The following RANBP2 variants were observed in gnomAD, a reference collection of about 807,000 sequenced individuals.
RANBP2 encodes RAN binding protein 2, also known as E3 SUMO-protein ligase RanBP2.
In RANBP2, 57 loss-of-function variants were observed where a neutral mutation model predicts 303.6. The ratio of observed to expected loss-of-function variants is 0.19; its 90% confidence interval spans 0.15 to 0.23. RANBP2 has a LOEUF of 0.23. Ranked by LOEUF, RANBP2 falls within the 10% of genes least tolerant of loss-of-function variation. The pLI is 1.00. For synonymous variants in RANBP2, 1,167 were observed against 1,301.5 expected (o/e 0.90, Z 2.23); for missense variants, 3,138 against 3,780.8 (o/e 0.83, Z 4.46).
At chr2:108,888,452 C>T in the RANBP2 span, among the ~76,000 whole-genome samples, 1 of 151,920 alleles carries the variant, frequency 6.6e-6, no homozygotes, top group Admixed American at 6.6e-5. Context: ...GGTGTTATTT[C>T]TTTGTATGTT....
At chr2:109,698,798 G>A in the RANBP2 span, among the ~76,000 whole-genome samples, 75 of 152,018 alleles carry the variant, frequency 4.9e-4, no homozygotes, top group Non-Finnish European at 7.8e-4. Flanking sequence ...GTGGTGGCAC[G>A]CACTTGTAGT....
chr2:109,715,822 G>A, the RANBP2 span, among the ~76,000 whole-genome samples: 17 of 152,156 alleles, frequency 1.1e-4, no homozygotes, highest in African/African-American at 3.6e-4. Context: ...AGCCATTTGA[G>A]CTATGTGCCA....
the RANBP2 span, among the ~76,000 whole-genome samples, chr2:109,638,804 C>A: frequency 8.7e-4 from 133 of 152,216 alleles, no homozygotes; most frequent in Non-Finnish European, 5.0e-4. Context: ...AAAGAAACAA[C>A]CCCACAGTTC....
At chr2:109,417,506 A>T in the RANBP2 span, among the ~76,000 whole-genome samples, 1 of 152,128 alleles carries the variant, frequency 6.6e-6, no homozygotes, top group East Asian at 1.9e-4. Context: ...CTGCTTCCGC[A>T]TGTGGCATGA....
the RANBP2 span, among the ~76,000 whole-genome samples, chr2:109,113,513 A>G: frequency 1.3e-5 from 2 of 152,238 alleles, no homozygotes; most frequent in Non-Finnish European, 2.9e-5. Flanking sequence ...GAAGTTGCTT[A>G]TCAGCTTAAG....
the RANBP2 span, among the ~76,000 whole-genome samples, chr2:109,596,164 T>C: frequency 3.3e-5 from 5 of 152,170 alleles, no homozygotes. Context: ...CCGAAACAGC[T>C]GGGCCTACAG....
the RANBP2 span, among the ~76,000 whole-genome samples, chr2:109,670,921 C>T: frequency 3.9e-5 from 6 of 152,326 alleles, no homozygotes; most frequent in South Asian, 2.1e-4. Context: ...CCAGTGGTTC[C>T]TGTGGCTTGG....
chr2:109,141,338 C>T, the RANBP2 span, among the ~76,000 whole-genome samples: 1 of 152,168 alleles, frequency 6.6e-6, no homozygotes, highest in African/African-American at 2.4e-5. Context: ...GGCAGCCTCT[C>T]GTCTCTGCCT....
chr2:108,995,799 G>T, the RANBP2 span, among the ~76,000 whole-genome samples: 1 of 152,158 alleles, frequency 6.6e-6, no homozygotes, highest in Non-Finnish European at 1.5e-5. Context: ...CTGCCACCTG[G>T]AGTGTGAACA....
At chr2:108,875,940 A>G in the RANBP2 span, 1 of 573,178 alleles carries the variant, frequency 1.7e-6, no homozygotes. Context: ...TTGTTTCAGC[A>G]TTCTAATCTT....
chr2:109,247,862 T>C, the RANBP2 span, among the ~76,000 whole-genome samples: 1 of 152,226 alleles, frequency 6.6e-6, no homozygotes, highest in Non-Finnish European at 1.5e-5. Flanking sequence ...TGGTCTCTTA[T>C]ATCCCCCAAA....
At chr2:108,837,651 A>G in the RANBP2 span, among the ~76,000 whole-genome samples, 2 of 152,224 alleles carry the variant, frequency 1.3e-5, no homozygotes, top group African/African-American at 4.8e-5. Context: ...GCTGCCAGTT[A>G]CATAAAAGAA....
the RANBP2 span, among the ~76,000 whole-genome samples, chr2:108,843,490 G>A: frequency 5.4e-4 from 83 of 152,296 alleles, 1 homozygote; most frequent in Middle Eastern, 3.4e-3. Flanking sequence ...CAAACTCTTA[G>A]TTTTTCTTAA....
chr2:109,018,321 A>T, the RANBP2 span, among the ~76,000 whole-genome samples: 1 of 152,202 alleles, frequency 6.6e-6, no homozygotes, highest in Non-Finnish European at 1.5e-5. Flanking sequence ...CTGCAGAATC[A>T]CAAAGGTGAG....
chr2:109,480,593 C>T, the RANBP2 span, among the ~76,000 whole-genome samples: 2 of 152,126 alleles, frequency 1.3e-5, no homozygotes, highest in African/African-American at 2.4e-5. Context: ...GAGGTCATCC[C>T]GAGCAGCCAT....
chr2:109,018,218 C>T, the RANBP2 span, among the ~76,000 whole-genome samples: 5 of 152,252 alleles, frequency 3.3e-5, no homozygotes, highest in East Asian at 1.9e-4. Context: ...GTTTCTATGA[C>T]GGACATGATA....
the RANBP2 span, among the ~76,000 whole-genome samples, chr2:109,239,960 T>TG: frequency 6.6e-6 from 1 of 152,302 alleles, no homozygotes; most frequent in African/African-American, 2.4e-5. Flanking sequence ...CTAGTTGTAG[T>TG]GGGGCTTGCA....
At chr2:109,108,147 C>T in the RANBP2 span, among the ~76,000 whole-genome samples, 2 of 152,198 alleles carry the variant, frequency 1.3e-5, no homozygotes, top group East Asian at 1.9e-4. Flanking sequence ...CCTCGGGATC[C>T]GCCCACCTTG....
At chr2:108,951,395 T>A in the RANBP2 span, among the ~76,000 whole-genome samples, 1 of 152,212 alleles carries the variant, frequency 6.6e-6, no homozygotes. Flanking sequence ...TCCAAGGTCA[T>A]ACAGGAATTC....
Sources: gnomAD v4.1 joint callset for allele counts (sites outside exome capture counted in the v4.1 genomes callset) on GRCh38, gnomAD v4.1.1 for gene constraint, MANE v1.5 for transcripts, NCBI Gene and HGNC (gene_info 2026-07-23, HGNC 2026-07-21) for gene names.